The following SYNGR1 variants were observed in gnomAD, a reference collection of about 807,000 sequenced individuals.
SYNGR1 encodes synaptogyrin-1.
SYNGR1 carries 14 observed loss-of-function variants against 26.1 expected under a neutral mutation model. That is an observed-to-expected ratio of 0.54 (90% CI 0.35 to 0.84). The LOEUF (loss-of-function observed/expected upper bound fraction) is 0.84. Among genes scored for constraint, SYNGR1 ranks in the 40% least tolerant of loss-of-function variants. SYNGR1 has a pLI of 0.01. For synonymous variants in SYNGR1, 141 were observed against 150.1 expected, an observed-to-expected ratio of 0.94 and a Z score of 0.44; for missense variants, 319 against 332.9, an observed-to-expected ratio of 0.96 and a Z score of 0.33.
At chr22:39,360,756 G>A (rs777054927) in intron 1 of SYNGR1, among the ~76,000 whole-genome samples, 141 of 152,324 alleles carry the variant, frequency 9.3e-4, no homozygotes, top group Middle Eastern at 3.4e-3. Context: ...AGAGGGACAG[G>A]CAGGTGACAC....
At chr22:39,360,291 C>T (rs1337932744) in intron 1 of SYNGR1, among the ~76,000 whole-genome samples, 1 of 152,212 alleles carries the variant, frequency 6.6e-6, no homozygotes, top group Non-Finnish European at 1.5e-5. Context: ...CGTCAGCTTG[C>T]AAATGTGCGT....
At chr22:39,366,090 T>C (rs1228862064) in intron 1 of SYNGR1, among the ~76,000 whole-genome samples, 3 of 145,786 alleles carry the variant, frequency 2.1e-5, no homozygotes, top group Non-Finnish European at 3.0e-5. Context: ...CTTCACCTCC[T>C]GGGCTCAAGC....
chr22:39,354,866 T>C (rs1387685752), intron 1 of SYNGR1, among the ~76,000 whole-genome samples: 1 of 147,782 alleles, frequency 6.8e-6, no homozygotes, highest in Non-Finnish European at 1.5e-5. Context: ...AAGCTGAACG[T>C]TTTTTGTAAA....
At chr22:39,380,616 C>T (rs1925467585) in intron 3 of SYNGR1, among the ~76,000 whole-genome samples, 4 of 69,974 alleles carry the variant, frequency 5.7e-5, no homozygotes, top group African/African-American at 2.2e-4. Flanking sequence ...CCAAGCTGGC[C>T]TTTTTTTTTT....
chr22:39,363,558 TGA>T (rs919706859), intron 1 of SYNGR1, among the ~76,000 whole-genome samples: 1 of 151,852 alleles, frequency 6.6e-6, no homozygotes, highest in Non-Finnish European at 1.5e-5. Flanking sequence ...CTGGGGAGGC[TGA>T]GAGAGCCTGG....
At chr22:39,356,543 C>T (rs573856080) in intron 1 of SYNGR1, among the ~76,000 whole-genome samples, 2 of 152,064 alleles carry the variant, frequency 1.3e-5, no homozygotes, top group East Asian at 3.9e-4. Context: ...AGCTGTTGGG[C>T]GGGCCTGAGC....
chr22:39,372,366 C>T (rs1424434970), intron 1 of SYNGR1, among the ~76,000 whole-genome samples: 2 of 148,776 alleles, frequency 1.3e-5, no homozygotes, highest in Non-Finnish European at 3.0e-5. Context: ...CTCCTGACCT[C>T]GTGATTTGCT....
chr22:39,376,352 G>A (rs1925283721), intron 3 of SYNGR1, 155 bp downstream of exon 3: 2 of 1,319,866 alleles, frequency 1.5e-6, no homozygotes, highest in African/African-American at 1.5e-5. Context: ...GGCGCTCACA[G>A]TGGTGCTGCC....
At chr22:39,377,517 C>A in intron 3 of SYNGR1, 2 of 1,565,886 alleles carry the variant, frequency 1.3e-6, no homozygotes, top group Non-Finnish European at 1.7e-6. Flanking sequence ...CAGGTGCCTG[C>A]CCGGCCCCCT....
chr22:39,360,133 A>G lies in SYNGR1; in HGVS notation c.99+10024A>G, dbSNP rs899501613. Among the ~76,000 whole-genome samples, 8 of 151,982 alleles carry G rather than the reference A, an allele frequency of 5.3e-5. 1 individual carries two copies. Among genetic ancestry groups the G allele is most frequent in the African/African-American group, 1.9e-4 (8 of 41,410 alleles). On this transcript the variant is annotated intron_variant, in intron 1 of 3. Transcript: ENST00000328933. The stretch of plus-strand genomic sequence containing the variant: ...ACACCTGCCCCCCTCATCCTAGACT[A>G]TCTCCCCTGTTCTGGTGGCCCAGGC...
rs12628168 is a variant in SYNGR1, at chr22:39,354,137, C to T, written c.99+4028C>T. On this transcript the variant is annotated intron_variant, in intron 1 of 3. Transcript: ENST00000328933. ...TCAGCCTCCCAAAGTGCTGGGATTACAGGTGTGAGCCACCGTGCCCAGTCA... is the reference window on the plus strand; with the variant it reads ...TCAGCCTCCCAAAGTGCTGGGATTATAGGTGTGAGCCACCGTGCCCAGTCA... 4.0e-4 allele frequency among the ~76,000 whole-genome samples: 61 copies of T among 152,340 alleles called. No homozygotes were observed. In the East Asian group the frequency reaches 9.8e-3, roughly 25 times the overall value.
At chr22:39,354,589 C>T (rs925039427) in intron 1 of SYNGR1, among the ~76,000 whole-genome samples, 9 of 152,186 alleles carry the variant, frequency 5.9e-5, no homozygotes, top group Non-Finnish European at 1.2e-4. Context: ...CCTATAATCC[C>T]AGCACTTTGG....
At chr22:39,354,708 G>C (rs750438005) in intron 1 of SYNGR1, among the ~76,000 whole-genome samples, 3 of 152,088 alleles carry the variant, frequency 2.0e-5, no homozygotes, top group African/African-American at 7.2e-5. Context: ...GCGTGGTGGC[G>C]GTCGCCTGTT....
rs1924635712 is a variant in SYNGR1, at chr22:39,364,393, T to G, written c.100-9923T>G. 9 of 1,591,628 alleles carry G rather than the reference T, an allele frequency of 5.7e-6. 1 individual carries two copies. In the South Asian group the frequency reaches 8.9e-5, roughly 16 times the overall value. Reference sequence around the variant, plus strand: ...ATGCTCTAAGTATAAGACTGCTTTGTGGGGATGATTTGCAGATTTTTATGG... The same window carrying G: ...ATGCTCTAAGTATAAGACTGCTTTGGGGGGATGATTTGCAGATTTTTATGG... On this transcript the variant is annotated intron_variant, in intron 1 of 3. Transcript: ENST00000328933.
chr22:39,377,873 C>CATTCATTCA, intron 3 of SYNGR1: 1 of 1,480,372 alleles, frequency 6.8e-7, no homozygotes, highest in Non-Finnish European at 9.0e-7. Flanking sequence ...TTCATTGATT[C>CATTCATTCA]TTCATGCGTT....
intron 1 of SYNGR1, among the ~76,000 whole-genome samples, chr22:39,372,233 G>T (rs1027984433): frequency 2.7e-5 from 4 of 147,568 alleles, no homozygotes; most frequent in Admixed American, 7.0e-5. Context: ...CTGGGTTCAA[G>T]CGATTCTCCT....
chr22:39,368,187 C>T lies in SYNGR1; in HGVS notation c.100-6129C>T, dbSNP rs984739676. Among the ~76,000 whole-genome samples the T allele has an allele frequency of 5.9e-5, 9 of 152,356 alleles. No individual in the cohort carries two copies. In the East Asian group the frequency reaches 1.2e-3, roughly 20 times the overall value. ...TTCTGGGGCTCCTTACTCCAGGCCACGTGCCCTTCCTTGCATGCATGACCT... is the reference window on the plus strand; with the variant it reads ...TTCTGGGGCTCCTTACTCCAGGCCATGTGCCCTTCCTTGCATGCATGACCT... On this transcript the variant is annotated intron_variant, in intron 1 of 3. Coordinates refer to ENST00000328933, the MANE Select transcript of SYNGR1 (RefSeq NM_004711.5).
intron 3 of SYNGR1, 29 bp downstream of exon 3, chr22:39,376,226 C>T (rs1411794260): frequency 1.2e-6 from 2 of 1,613,798 alleles, no homozygotes; most frequent in Non-Finnish European, 1.7e-6. Context: ...CACCAGCCCA[C>T]ACTCGTCCCC....
chr22:39,372,035 C>T (rs530583937), intron 1 of SYNGR1, among the ~76,000 whole-genome samples: 1 of 152,050 alleles, frequency 6.6e-6, no homozygotes, highest in East Asian at 1.9e-4. Context: ...CTTGGTGCCA[C>T]TGCCTCAGGG....
Sources: allele counts gnomAD v4.1 joint callset (sites outside exome capture counted in the v4.1 genomes callset), GRCh38; gene constraint gnomAD v4.1.1; transcripts MANE v1.5; gene names NCBI Gene and HGNC (gene_info 2026-07-23, HGNC 2026-07-21).